Variants in AGBL4 observed in about 807,000 individuals in gnomAD.
AGBL4 encodes the protein AGBL carboxypeptidase 4.
A neutral mutation model predicts 66.4 loss-of-function variants in AGBL4; 58 were observed. That is an observed-to-expected ratio of 0.87 (90% CI 0.71 to 1.09). The LOEUF (loss-of-function observed/expected upper bound fraction) is 1.09. Ranked by LOEUF, AGBL4 falls within the 50% of genes least tolerant of loss-of-function variation. The pLI is 0.00. For missense variants in AGBL4, 579 were observed against 631.0 expected (o/e 0.92, Z 0.88); for synonymous variants, 234 against 222.9 (o/e 1.05, Z -0.44).
intron 4 of AGBL4, among the ~76,000 whole-genome samples, chr1:49,051,674 G>A (rs976316304): frequency 6.6e-6 from 1 of 152,072 alleles, no homozygotes; most frequent in African/African-American, 2.4e-5. Flanking sequence ...CAGGGACCTT[G>A]GATGGATACC....
intron 4 of AGBL4, among the ~76,000 whole-genome samples, chr1:49,084,791 A>G (rs1644874852): frequency 6.6e-6 from 1 of 152,172 alleles, no homozygotes; most frequent in Admixed American, 6.5e-5. Flanking sequence ...ATATGTTAAA[A>G]AACATCAGAT....
At chr1:49,658,150 C>G (rs1646186646) in intron 3 of AGBL4, among the ~76,000 whole-genome samples, 1 of 151,974 alleles carries the variant, frequency 6.6e-6, no homozygotes, top group Non-Finnish European at 1.5e-5. Context: ...TGAACTCAAA[C>G]AAATTTACAA....
chr1:49,796,985 G>T (rs1045777314), intron 2 of AGBL4, among the ~76,000 whole-genome samples: 12 of 151,984 alleles, frequency 7.9e-5, no homozygotes, highest in African/African-American at 2.9e-4. Context: ...AAGCATTCTT[G>T]CTATAATAAA....
intron 4 of AGBL4, among the ~76,000 whole-genome samples, chr1:49,160,670 G>A (rs980845044): frequency 5.3e-5 from 8 of 152,150 alleles, no homozygotes; most frequent in Admixed American, 5.2e-4. Flanking sequence ...TCCCCCAGGT[G>A]CTCTTTCCCA....
intron 2 of AGBL4, among the ~76,000 whole-genome samples, chr1:49,804,415 T>C (rs925534749): frequency 6.6e-6 from 1 of 152,130 alleles, no homozygotes; most frequent in South Asian, 2.1e-4. Context: ...CTAAGTACAG[T>C]ATACAATGGA....
intron 6 of AGBL4, among the ~76,000 whole-genome samples, chr1:48,784,908 A>G (rs1171075117): frequency 1.3e-5 from 2 of 152,254 alleles, no homozygotes; most frequent in African/African-American, 2.4e-5. Context: ...GTCACAAAGA[A>G]CCAACATTTG....
At chr1:49,353,423 G>A (rs1254258434) in intron 3 of AGBL4, among the ~76,000 whole-genome samples, 1 of 152,046 alleles carries the variant, frequency 6.6e-6, no homozygotes, top group African/African-American at 2.4e-5. Context: ...GGCAATGAAT[G>A]GATAATTACA....
At chr1:50,014,806 T>A (rs190471669) in intron 1 of AGBL4, among the ~76,000 whole-genome samples, 2 of 152,260 alleles carry the variant, frequency 1.3e-5, no homozygotes, top group Non-Finnish European at 2.9e-5. Context: ...ATTACAGGCA[T>A]CAGCTACCAT....
At chr1:48,545,500 A>C (rs1211815069) in intron 11 of AGBL4, among the ~76,000 whole-genome samples, 1 of 152,220 alleles carries the variant, frequency 6.6e-6, no homozygotes, top group Non-Finnish European at 1.5e-5. Flanking sequence ...AAGGAGAGGC[A>C]ATAATTCTCT....
At chr1:49,658,868 G>A (rs1164810119) in intron 3 of AGBL4, among the ~76,000 whole-genome samples, 3 of 146,976 alleles carry the variant, frequency 2.0e-5, no homozygotes, top group East Asian at 2.1e-4. Flanking sequence ...TGGGGTGGGG[G>A]AATGGGGGGA....
chr1:48,563,788 C>G (rs1425897173), intron 11 of AGBL4, among the ~76,000 whole-genome samples: 1 of 152,182 alleles, frequency 6.6e-6, no homozygotes, highest in Non-Finnish European at 1.5e-5. Context: ...GCATTCTGAT[C>G]TGTGAAGTCA....
intron 3 of AGBL4, among the ~76,000 whole-genome samples, chr1:49,394,110 G>T (rs924923807): frequency 3.3e-5 from 5 of 151,758 alleles, no homozygotes; most frequent in African/African-American, 1.2e-4. Context: ...GGGATCAAAA[G>T]TGTCACTGAC....
At chr1:48,593,736 G>T (rs178596) in intron 9 of AGBL4, among the ~76,000 whole-genome samples, 14,572 of 152,106 alleles carry the variant, frequency 0.096, 781 homozygotes, top group African/African-American at 0.13. Flanking sequence ...GGGCGACAGT[G>T]CGAGACTCCG....
chr1:48,755,620 G>A (rs1396277483), intron 6 of AGBL4, among the ~76,000 whole-genome samples: 1 of 151,990 alleles, frequency 6.6e-6, no homozygotes, highest in Non-Finnish European at 1.5e-5. Context: ...TCTCTCATTC[G>A]CTTTCTGGTT....
At chr1:48,884,486 C>G (rs1200682431) in intron 5 of AGBL4, among the ~76,000 whole-genome samples, 1 of 151,650 alleles carries the variant, frequency 6.6e-6, no homozygotes, top group African/African-American at 2.4e-5. Flanking sequence ...TTGCATTCTT[C>G]TTATGAAGAA....
At chr1:49,450,687 G>A (rs1385383967) in intron 3 of AGBL4, among the ~76,000 whole-genome samples, 2 of 152,054 alleles carry the variant, frequency 1.3e-5, no homozygotes, top group Non-Finnish European at 2.9e-5. Context: ...CCACCATAAA[G>A]TGAAAATATT....
At chr1:48,552,815 T>G (rs768843780) in intron 11 of AGBL4, among the ~76,000 whole-genome samples, 21 of 151,688 alleles carry the variant, frequency 1.4e-4, no homozygotes, top group Non-Finnish European at 2.6e-4. Context: ...TAGAAAAAAG[T>G]AATCCCTGAA....
intron 5 of AGBL4, among the ~76,000 whole-genome samples, chr1:48,994,173 C>T (rs914522378): frequency 1.3e-5 from 2 of 152,286 alleles, no homozygotes; most frequent in Admixed American, 6.5e-5. Context: ...TACATTAACT[C>T]ATAGTTTCTG....
At chr1:49,501,463 G>C (rs1648144247) in intron 3 of AGBL4, among the ~76,000 whole-genome samples, 1 of 151,970 alleles carries the variant, frequency 6.6e-6, no homozygotes, top group African/African-American at 2.4e-5. Flanking sequence ...ACAGTCTTTT[G>C]TGATCCTCTG....
Sources: gnomAD v4.1 joint callset for allele counts (sites outside exome capture counted in the v4.1 genomes callset) on GRCh38, gnomAD v4.1.1 for gene constraint, MANE v1.5 for transcripts, NCBI Gene and HGNC (gene_info 2026-07-23, HGNC 2026-07-21) for gene names.